FGF14: variants seen among roughly 807,000 people sequenced by gnomAD.
The protein encoded by FGF14 is fibroblast growth factor 14.
A neutral mutation model predicts 25.5 loss-of-function variants in FGF14; 5 were observed. That is an observed-to-expected ratio of 0.20 (90% CI 0.10 to 0.41). The LOEUF (loss-of-function observed/expected upper bound fraction) is 0.41, where lower values mean the gene tolerates loss of function less well. FGF14 is among the 10% of genes least tolerant of loss of function. The pLI, the probability that FGF14 is intolerant of heterozygous loss-of-function variation, is 1.00. For synonymous variants in FGF14, 138 were observed against 118.3 expected (o/e 1.17, Z -1.08); for missense variants, 222 against 320.1 (o/e 0.69, Z 2.34).
At chr13:101,949,117 G>C (rs1002775395) in intron 1 of FGF14, among the ~76,000 whole-genome samples, 1 of 152,146 alleles carries the variant, frequency 6.6e-6, no homozygotes, top group Non-Finnish European at 1.5e-5. Flanking sequence ...CCAGTGGTTT[G>C]TCCATTTTAC....
chr13:102,129,943 T>C (rs2046121732), intron 1 of FGF14, among the ~76,000 whole-genome samples: 1 of 152,174 alleles, frequency 6.6e-6, no homozygotes, highest in Non-Finnish European at 1.5e-5. Flanking sequence ...CAATAGAGTG[T>C]TACATTAGTT....
chr13:102,349,379 G>A (rs963593170), intron 1 of FGF14, among the ~76,000 whole-genome samples: 1 of 152,054 alleles, frequency 6.6e-6, no homozygotes, highest in Admixed American at 6.6e-5. Flanking sequence ...ATTACATGTG[G>A]CTTTTCTCAG....
At chr13:102,250,576 G>A (rs1016169277) in intron 1 of FGF14, among the ~76,000 whole-genome samples, 11 of 152,122 alleles carry the variant, frequency 7.2e-5, no homozygotes, top group African/African-American at 2.4e-4. Flanking sequence ...TGAATATTAT[G>A]TTCCCCTTCT....
At chr13:101,947,011 A>C (rs1331817482) in intron 1 of FGF14, among the ~76,000 whole-genome samples, 2 of 152,162 alleles carry the variant, frequency 1.3e-5, no homozygotes, top group African/African-American at 2.4e-5. Context: ...CCTAAAGATA[A>C]ATTTTTCTTT....
intron 1 of FGF14, among the ~76,000 whole-genome samples, chr13:102,047,065 C>T (rs985567780): frequency 6.6e-5 from 10 of 151,694 alleles, no homozygotes; most frequent in East Asian, 5.8e-4. Context: ...CAGGAATTGG[C>T]GAAGTATACT....
intron 1 of FGF14, among the ~76,000 whole-genome samples, chr13:101,978,821 C>A (rs1184491045): frequency 6.6e-6 from 1 of 152,294 alleles, no homozygotes; most frequent in Admixed American, 6.5e-5. Context: ...GATAAGCCCT[C>A]CCTGGAAGAG....
intron 1 of FGF14, among the ~76,000 whole-genome samples, chr13:101,980,896 A>C (rs2139607431): frequency 6.6e-6 from 1 of 152,294 alleles, no homozygotes; most frequent in South Asian, 2.1e-4. Flanking sequence ...TAGGAGGTAG[A>C]GTCGTTAAGA....
chr13:102,080,715 T>A (rs2043579384), intron 1 of FGF14, among the ~76,000 whole-genome samples: 1 of 152,220 alleles, frequency 6.6e-6, no homozygotes, highest in Admixed American at 6.5e-5. Flanking sequence ...CAGAACTAAT[T>A]GTCAATGTAG....
intron 1 of FGF14, among the ~76,000 whole-genome samples, chr13:101,942,871 C>T (rs553267634): frequency 5.2e-4 from 79 of 152,280 alleles, no homozygotes; most frequent in Middle Eastern, 3.4e-3. Context: ...TATAAAACAG[C>T]TCTTCCTTCC....
chr13:101,905,469 G>A (rs1054001979), intron 1 of FGF14, among the ~76,000 whole-genome samples: 3 of 152,004 alleles, frequency 2.0e-5, no homozygotes, highest in South Asian at 2.1e-4. Flanking sequence ...ACCAAACATC[G>A]CGTGTTCTCA....
intron 3 of FGF14, among the ~76,000 whole-genome samples, chr13:101,783,516 G>A (rs1594232487): frequency 6.7e-6 from 1 of 150,180 alleles, no homozygotes; most frequent in African/African-American, 2.4e-5. Context: ...ACTTTTTAAT[G>A]GCGTTGAGGT....
In FGF14 at chr13:102,312,970, A is replaced by G. The variant is rs563339920; in HGVS notation, c.208+88501T>C. ...TCAAGTGGGGTAGAGAGGAGACACAACCCTGACAAAAGCAAGTGAGTTCTC... is the reference window on the plus strand; with the variant it reads ...TCAAGTGGGGTAGAGAGGAGACACAGCCCTGACAAAAGCAAGTGAGTTCTC... On this transcript the variant is annotated intron_variant, in intron 1 of 4. Transcript: ENST00000376131. 1.3e-4 allele frequency among the ~76,000 whole-genome samples: 20 copies of G among 152,248 alleles called. No homozygotes were observed. The South Asian group carries it at 4.1e-3, about 32-fold the overall frequency.
At chr13:101,962,576 A>C (rs1049006782) in intron 1 of FGF14, among the ~76,000 whole-genome samples, 1 of 152,210 alleles carries the variant, frequency 6.6e-6, no homozygotes, top group African/African-American at 2.4e-5. Flanking sequence ...AATAGACATA[A>C]GATAATTTGT....
intron 1 of FGF14, among the ~76,000 whole-genome samples, chr13:102,087,412 T>C (rs1414677672): frequency 6.1e-5 from 8 of 131,342 alleles, no homozygotes; most frequent in East Asian, 2.1e-4. Flanking sequence ...AATTTCTTTT[T>C]TTTTTTTTTT....
intron 1 of FGF14, among the ~76,000 whole-genome samples, chr13:101,878,798 T>C (rs2045538938): frequency 6.6e-6 from 1 of 151,988 alleles, no homozygotes; most frequent in Admixed American, 6.6e-5. Flanking sequence ...GATATAAAAG[T>C]GTGGAAATAT....
At chr13:102,285,933 G>A (rs554018944) in intron 1 of FGF14, among the ~76,000 whole-genome samples, 1 of 152,286 alleles carries the variant, frequency 6.6e-6, no homozygotes, top group African/African-American at 2.4e-5. Context: ...GATTGGTGAG[G>A]AAGACTAAGG....
intron 1 of FGF14, among the ~76,000 whole-genome samples, chr13:101,955,200 A>G (rs1342875729): frequency 6.6e-6 from 1 of 152,242 alleles, no homozygotes; most frequent in East Asian, 1.9e-4. Context: ...TAGTTGTCTG[A>G]AAATTTTAGC....
At chr13:102,143,591 A>T (rs922161053) in intron 1 of FGF14, among the ~76,000 whole-genome samples, 1 of 152,136 alleles carries the variant, frequency 6.6e-6, no homozygotes, top group African/African-American at 2.4e-5. Context: ...TAAGAAATTG[A>T]CCTATTGAGT....
chr13:101,865,024 C>G (rs968110888), intron 3 of FGF14, among the ~76,000 whole-genome samples: 7 of 152,016 alleles, frequency 4.6e-5, no homozygotes, highest in Non-Finnish European at 7.4e-5. Flanking sequence ...GATCCAGGAC[C>G]CAGGTGTTCT....
Sources: allele counts gnomAD v4.1 joint callset (sites outside exome capture counted in the v4.1 genomes callset), GRCh38; gene constraint gnomAD v4.1.1; transcripts MANE v1.5; gene names NCBI Gene and HGNC (gene_info 2026-07-23, HGNC 2026-07-21).